STAG1: variants seen among roughly 807,000 people sequenced by gnomAD.
STAG1 encodes cohesin subunit SA-1.
In STAG1, 26 loss-of-function variants were observed where a neutral mutation model predicts 170.9. The observed-to-expected ratio is 0.15, with a 90% CI of 0.11 to 0.21. The LOEUF (loss-of-function observed/expected upper bound fraction) is 0.21. Ranked by LOEUF, STAG1 falls within the 10% of genes least tolerant of loss-of-function variation. STAG1 has a pLI of 1.00. For missense variants in STAG1, 964 were observed against 1,509.5 expected, an observed-to-expected ratio of 0.64 and a Z score of 5.99; for synonymous variants, 514 against 497.7, an observed-to-expected ratio of 1.03 and a Z score of -0.44.
intron 28 of STAG1, among the ~76,000 whole-genome samples, chr3:136,356,568 GAT>G: frequency 6.6e-6 from 1 of 151,996 alleles, no homozygotes; most frequent in South Asian, 2.1e-4. Flanking sequence ...TTTTTATAGA[GAT>G]GGGGTCTTGC....
chr3:136,411,368 GGAT>G (rs1358406491), intron 21 of STAG1, among the ~76,000 whole-genome samples: 7 of 151,744 alleles, frequency 4.6e-5, no homozygotes, highest in African/African-American at 9.7e-5. Flanking sequence ...AGGTTATCTG[GGAT>G]GATATTTAAA....
intron 7 of STAG1, among the ~76,000 whole-genome samples, chr3:136,512,208 A>G (rs1934104606): frequency 6.6e-6 from 1 of 151,880 alleles, no homozygotes; most frequent in East Asian, 1.9e-4. Flanking sequence ...CAGGAGGCTA[A>G]GGCAGGAGGG....
chr3:136,353,214 A>T (rs1354360675), intron 28 of STAG1, among the ~76,000 whole-genome samples: 1 of 152,236 alleles, frequency 6.6e-6, no homozygotes, highest in Non-Finnish European at 1.5e-5. Flanking sequence ...AGCATGAGAG[A>T]AGTATGGGAT....
At chr3:136,616,716 G>A (rs1478994681) in intron 3 of STAG1, among the ~76,000 whole-genome samples, 1 of 152,106 alleles carries the variant, frequency 6.6e-6, no homozygotes, top group Non-Finnish European at 1.5e-5. Flanking sequence ...AGACCAGCCT[G>A]GGCAACATGA....
At chr3:136,677,536 T>C (rs1942162212) in intron 1 of STAG1, among the ~76,000 whole-genome samples, 1 of 152,154 alleles carries the variant, frequency 6.6e-6, no homozygotes, top group South Asian at 2.1e-4. Flanking sequence ...TAATACCCAA[T>C]GTGAAATTAT....
Position 136,627,609 on chromosome 3 carries a change from A to G in STAG1, c.29+3261T>C, listed in dbSNP as rs1408821106. On this transcript the variant is annotated intron_variant, in intron 2 of 33. Transcript: ENST00000383202. ...AGGGCTGAAATGACTGTTCTTGTAC[A>G]TAAATAAATCTTACTACATAATCAA... 2.0e-5 allele frequency among the ~76,000 whole-genome samples: 3 copies of G among 152,204 alleles called. 1 individual carries two copies. Among genetic ancestry groups the G allele is most frequent in the Admixed American group, 2.0e-4 (3 of 15,278 alleles).
chr3:136,704,820 T>TC (rs1420538472), intron 1 of STAG1, among the ~76,000 whole-genome samples: 4 of 45,268 alleles, frequency 8.8e-5, no homozygotes, highest in Non-Finnish European at 1.4e-4. Context: ...AGTCCCTGTC[T>TC]CAAAAAAAAA....
chr3:136,459,220 G>GAAAAAAAAA (rs769155825), intron 13 of STAG1, among the ~76,000 whole-genome samples: 1 of 91,678 alleles, frequency 1.1e-5, no homozygotes, highest in Non-Finnish European at 2.4e-5. Flanking sequence ...CTGTCTTAAA[G>GAAAAAAAAA]AAAAAAAAAA....
intron 22 of STAG1, among the ~76,000 whole-genome samples, chr3:136,378,188 T>C (rs1269508276): frequency 6.6e-6 from 1 of 152,190 alleles, no homozygotes; most frequent in Non-Finnish European, 1.5e-5. Context: ...GAAAGATAAA[T>C]TTAAGACAGT....
rs545832701 is a variant in STAG1 at position 136,710,108 on chromosome 3, A to C, written c.-84+42087T>G. 2.8e-4 allele frequency among the ~76,000 whole-genome samples: 42 copies of C among 152,350 alleles called. 1 individual carries two copies. In the South Asian group the frequency reaches 8.5e-3, roughly 31 times the overall value. ...GAACTCCAGATAAGTATCAGACTTT[A>C]TTCATAAAACAATACAACAGCATTT... is the stretch of plus-strand genomic sequence containing the variant. On this transcript the variant is annotated intron_variant, in intron 1 of 33. Transcript: ENST00000383202.
chr3:136,348,606 G>A (rs1037543724), intron 29 of STAG1, among the ~76,000 whole-genome samples: 1 of 151,840 alleles, frequency 6.6e-6, no homozygotes, highest in African/African-American at 2.4e-5. Context: ...GTCTTGCTAT[G>A]TTTCCCAGGC....
intron 18 of STAG1, 24 bp from the exon 19 acceptor site, chr3:136,422,637 C>A: frequency 6.3e-7 from 1 of 1,597,254 alleles, no homozygotes; most frequent in Non-Finnish European, 8.5e-7. Context: ...AAAAGAAAAA[C>A]TGTAATATTT....
chr3:136,615,991 G>C (rs901189482), intron 3 of STAG1, among the ~76,000 whole-genome samples: 2 of 151,726 alleles, frequency 1.3e-5, no homozygotes, highest in Non-Finnish European at 2.9e-5. Flanking sequence ...ATCAGACGCT[G>C]GGCGCAGTGG....
intron 21 of STAG1, among the ~76,000 whole-genome samples, chr3:136,412,202 TTTTAAAAGG>T (rs1471623812): frequency 3.9e-5 from 6 of 152,172 alleles, no homozygotes; most frequent in Admixed American, 3.9e-4. Flanking sequence ...TACCAATTTT[TTTTAAAAGG>T]AATTCAGAAC....
intron 6 of STAG1, among the ~76,000 whole-genome samples, chr3:136,534,947 G>T (rs754828341): frequency 6.6e-6 from 1 of 152,152 alleles, no homozygotes; most frequent in Non-Finnish European, 1.5e-5. Context: ...ACCCACACTT[G>T]CATGTTTATC....
intron 4 of STAG1, among the ~76,000 whole-genome samples, chr3:136,584,531 T>C (rs1937711019): frequency 6.6e-6 from 1 of 152,154 alleles, no homozygotes; most frequent in Non-Finnish European, 1.5e-5. Context: ...TCATAAGCCA[T>C]CCCTCCTTCC....
chr3:136,437,053 G>C (rs889722051), intron 15 of STAG1, among the ~76,000 whole-genome samples: 1 of 152,168 alleles, frequency 6.6e-6, no homozygotes, highest in Non-Finnish European at 1.5e-5. Context: ...CATTTGGCTG[G>C]AGCTAAAGGA....
intron 9 of STAG1, among the ~76,000 whole-genome samples, chr3:136,487,836 C>G (rs1489450959): frequency 6.6e-6 from 1 of 152,150 alleles, no homozygotes; most frequent in East Asian, 1.9e-4. Flanking sequence ...ACTCCTGAGG[C>G]TAAGTGACTG....
At chr3:136,611,614 C>T (rs1258878139) in intron 3 of STAG1, among the ~76,000 whole-genome samples, 1 of 150,848 alleles carries the variant, frequency 6.6e-6, no homozygotes, top group Non-Finnish European at 1.5e-5. Context: ...CCAGCCTAAG[C>T]CACCTAAGTA....
Sources: gnomAD v4.1 joint callset for allele counts (sites outside exome capture counted in the v4.1 genomes callset) on GRCh38, gnomAD v4.1.1 for gene constraint, MANE v1.5 for transcripts, NCBI Gene and HGNC (gene_info 2026-07-23, HGNC 2026-07-21) for gene names.